The following MBOAT1 variants were observed in gnomAD, a reference collection of about 807,000 sequenced individuals.
MBOAT1 encodes the protein membrane-bound glycerophospholipid O-acyltransferase 1.
MBOAT1 carries 67 observed loss-of-function variants against 64.4 expected under a neutral mutation model. The observed-to-expected ratio is 1.04, with a 90% confidence interval of 0.85 to 1.27. The LOEUF (loss-of-function observed/expected upper bound fraction) is 1.27. Among genes scored for constraint, MBOAT1 ranks in the 50% most tolerant of loss-of-function variants. The probability of loss-of-function intolerance (pLI) is 0.00; values close to 1 mark genes in which losing one functional copy is unlikely to be tolerated. For missense variants in MBOAT1, 563 were observed against 604.6 expected, an observed-to-expected ratio of 0.93 and a Z score of 0.72; for synonymous variants, 229 against 218.9, an observed-to-expected ratio of 1.05 and a Z score of -0.41.
intron 1 of MBOAT1, among the ~76,000 whole-genome samples, chr6:20,168,609 AAGAG>A (rs1762092103): frequency 4.8e-5 from 1 of 20,802 alleles, no homozygotes; most frequent in Admixed American, 5.3e-4. Context: ...GAGAGAAGAG[AAGAG>A]AAGAGAAGAG....
intron 6 of MBOAT1, 93 bp downstream of exon 6, chr6:20,128,606 A>T: frequency 1.2e-6 from 1 of 859,154 alleles, no homozygotes. Context: ...ATATCCATAG[A>T]ACAGAATTAA....
chr6:20,152,865 T>C (rs139154168), intron 1 of MBOAT1, 96 bp from the exon 2 acceptor site: 32,952 of 1,377,670 alleles, frequency 0.024, 465 homozygotes, highest in Non-Finnish European at 0.029. Flanking sequence ...CGGAGTCTCG[T>C]TCTGTCGCCC....
rs190458149 is a variant in MBOAT1, at chr6:20,119,038, C to T, written c.908-498G>A. Among the ~76,000 whole-genome samples the T allele has an allele frequency of 3.6e-4, 55 of 152,180 alleles. 1 individual carries two copies. The highest frequency in any genetic ancestry group is 3.3e-3 in the Admixed American group (51 of 15,290). ...GCTAAATCAGGAGGAGAACCGGCTC[C>T]GCAAGAGTGATTGGAGCTCTTTGTG... is the stretch of plus-strand genomic sequence containing the variant. On this transcript the variant is annotated intron_variant, in intron 8 of 12. Coordinates refer to ENST00000324607, the MANE Select transcript of MBOAT1 (RefSeq NM_001080480.3).
At chr6:20,187,912 AC>A (rs1347199454) in intron 1 of MBOAT1, among the ~76,000 whole-genome samples, 1 of 151,956 alleles carries the variant, frequency 6.6e-6, no homozygotes, top group Non-Finnish European at 1.5e-5. Flanking sequence ...GGATTGCTTG[AC>A]CCCAGGAGGT....
intron 1 of MBOAT1, among the ~76,000 whole-genome samples, chr6:20,156,085 G>A (rs546562322): frequency 6.6e-6 from 1 of 151,980 alleles, no homozygotes; most frequent in South Asian, 2.1e-4. Flanking sequence ...TGGCTAACAC[G>A]GTGAAACCCC....
In MBOAT1 at chr6:20,101,672, C is replaced by G. The variant is rs1040259636; in HGVS notation, c.*614G>C. On this transcript the variant is annotated 3_prime_UTR_variant, in exon 13 of 13. Coordinates refer to ENST00000324607, the MANE Select transcript of MBOAT1 (RefSeq NM_001080480.3). ...CAGGTCACAGTAGCTGGAAATCATG[C>G]AGGAAGGGCAAAAAGCCAGCAGCCC... Among the ~76,000 whole-genome samples the G allele has an allele frequency of 6.6e-6, 1 of 152,170 alleles. No homozygotes were observed. The highest frequency in any genetic ancestry group is 2.4e-5 in the African/African-American group (1 of 41,438).
At chr6:20,160,783 G>T (rs1000862606) in intron 1 of MBOAT1, among the ~76,000 whole-genome samples, 5 of 152,152 alleles carry the variant, frequency 3.3e-5, no homozygotes, top group Admixed American at 3.3e-4. Context: ...AGTGACTGTA[G>T]AATACCCTTG....
chr6:20,118,533 T>C lies in MBOAT1; in HGVS notation c.915A>G (p.Ala305=). The C allele has an allele frequency of 6.2e-7, 1 of 1,613,258 alleles. No individual in the cohort carries two copies. Among genetic ancestry groups the C allele is most frequent in the Non-Finnish European group, 8.5e-7 (1 of 1,179,596 alleles). ...KYYFAWTLAD[A]VNNAAGFGFS... ...ACCCAAAGCCAGCTGCGTTATTCAC[T>C]GCATCAGCTATGGTTTTTAAAGTAA... The change falls in exon 9 of 13, where the codon GCA becomes GCG. Residue 305 remains alanine, a synonymous_variant. Coordinates refer to ENST00000324607, the MANE Select transcript of MBOAT1 (RefSeq NM_001080480.3).
chr6:20,162,888 C>T (rs147692659), intron 1 of MBOAT1, among the ~76,000 whole-genome samples: 7 of 152,330 alleles, frequency 4.6e-5, no homozygotes, highest in African/African-American at 1.7e-4. Context: ...AAGCTTCTTT[C>T]CATCAGTGCT....
chr6:20,149,869 C>T (rs1331646000), intron 3 of MBOAT1, among the ~76,000 whole-genome samples: 1 of 152,172 alleles, frequency 6.6e-6, no homozygotes, highest in Non-Finnish European at 1.5e-5. Context: ...CTTTCTGAAG[C>T]TGAAATAAGG....
At chr6:20,198,297 C>T (rs903161586) in intron 1 of MBOAT1, among the ~76,000 whole-genome samples, 7 of 151,716 alleles carry the variant, frequency 4.6e-5, no homozygotes, top group Non-Finnish European at 8.8e-5. Flanking sequence ...CCATCTAATA[C>T]GAAGCAAATG....
At chr6:20,200,206 C>T (rs915141230) in intron 1 of MBOAT1, among the ~76,000 whole-genome samples, 1 of 152,066 alleles carries the variant, frequency 6.6e-6, no homozygotes, top group African/African-American at 2.4e-5. Flanking sequence ...TTCCAGAGCC[C>T]CAAAGGTCAA....
At chr6:20,162,606 C>T (rs1761895429) in intron 1 of MBOAT1, among the ~76,000 whole-genome samples, 1 of 152,198 alleles carries the variant, frequency 6.6e-6, no homozygotes, top group Non-Finnish European at 1.5e-5. Flanking sequence ...ATTCTGCATG[C>T]TTCACATCTA....
intron 1 of MBOAT1, among the ~76,000 whole-genome samples, chr6:20,162,332 G>A (rs1761888453): frequency 6.6e-6 from 1 of 152,124 alleles, no homozygotes; most frequent in African/African-American, 2.4e-5. Flanking sequence ...TCAAAGCAAA[G>A]GCTGCGTGGG....
intron 2 of MBOAT1, among the ~76,000 whole-genome samples, chr6:20,152,331 A>AG (rs1761520436): frequency 2.3e-5 from 3 of 128,686 alleles, no homozygotes; most frequent in Admixed American, 7.7e-5. Flanking sequence ...CGTCTCAAAA[A>AG]AAAAAAATAA....
At chr6:20,184,457 C>T (rs547903250) in intron 1 of MBOAT1, among the ~76,000 whole-genome samples, 3 of 152,180 alleles carry the variant, frequency 2.0e-5, no homozygotes, top group Admixed American at 2.0e-4. Flanking sequence ...GGGCAAGGGA[C>T]GGACAATGAC....
At chr6:20,206,499 T>C (rs564279488) in intron 1 of MBOAT1, among the ~76,000 whole-genome samples, 6 of 152,176 alleles carry the variant, frequency 3.9e-5, no homozygotes, top group African/African-American at 1.4e-4. Context: ...CCTTCCACTA[T>C]CCTCATAGGA....
chr6:20,109,969 GCGCAA>G (rs1423571120), intron 11 of MBOAT1, among the ~76,000 whole-genome samples: 1 of 144,440 alleles, frequency 6.9e-6, no homozygotes, highest in Non-Finnish European at 1.5e-5. Flanking sequence ...GAGTGCAGTG[GCGCAA>G]TCTCAGCTCA....
intron 1 of MBOAT1, among the ~76,000 whole-genome samples, chr6:20,193,854 C>T (rs1202213): frequency 0.41 from 61,899 of 151,958 alleles, 14,978 homozygotes; most frequent in Non-Finnish European, 0.52. Context: ...ATCTGCCCAC[C>T]TCAGCCTCCC....
Sources: allele counts gnomAD v4.1 joint callset (sites outside exome capture counted in the v4.1 genomes callset), GRCh38; gene constraint gnomAD v4.1.1; transcripts MANE v1.5; gene names NCBI Gene and HGNC (gene_info 2026-07-23, HGNC 2026-07-21).